Variants in BANK1 observed in about 807,000 individuals in gnomAD.
BANK1 encodes B-cell scaffold protein with ankyrin repeats.
In BANK1, 95 loss-of-function variants were observed where a neutral mutation model predicts 94.5. The ratio of observed to expected loss-of-function variants is 1.00; its 90% CI spans 0.85 to 1.19. The LOEUF (loss-of-function observed/expected upper bound fraction) is 1.19. Among genes scored for constraint, BANK1 ranks in the 50% most tolerant of loss-of-function variants. The pLI is 0.00. For missense variants in BANK1, 987 were observed against 932.2 expected, an observed-to-expected ratio of 1.06 and a Z score of -0.77; for synonymous variants, 334 against 308.4, an observed-to-expected ratio of 1.08 and a Z score of -0.87.
chr4:101,822,328 C>T (rs926024266), intron 1 of BANK1, among the ~76,000 whole-genome samples: 2 of 151,640 alleles, frequency 1.3e-5, no homozygotes, highest in African/African-American at 4.8e-5. Context: ...CCCAAGATCA[C>T]GCCACTGCAC....
intron 7 of BANK1, among the ~76,000 whole-genome samples, chr4:102,010,954 T>A (rs1726494201): frequency 1.3e-5 from 2 of 152,224 alleles, no homozygotes; most frequent in African/African-American, 4.8e-5. Flanking sequence ...ACCCAGTGTT[T>A]CAATATTATG....
At chr4:101,899,243 A>G (rs1722192577) in intron 6 of BANK1, among the ~76,000 whole-genome samples, 2 of 152,126 alleles carry the variant, frequency 1.3e-5, no homozygotes, top group South Asian at 4.1e-4. Flanking sequence ...TTCATTTCAA[A>G]TTAGTAACAA....
At chr4:101,961,102 A>G (rs943477750) in intron 7 of BANK1, among the ~76,000 whole-genome samples, 12 of 152,344 alleles carry the variant, frequency 7.9e-5, no homozygotes, top group Admixed American at 5.9e-4. Flanking sequence ...TTAGGATTAC[A>G]TGGAAAAACA....
At chr4:102,022,170 G>A (rs1726935136) in intron 8 of BANK1, among the ~76,000 whole-genome samples, 1 of 151,688 alleles carries the variant, frequency 6.6e-6, no homozygotes, top group Admixed American at 6.6e-5. Context: ...GGCTTTATTG[G>A]CATACAGCTC....
chr4:102,068,036 A>G (rs1168983486), intron 13 of BANK1, among the ~76,000 whole-genome samples: 2 of 152,120 alleles, frequency 1.3e-5, no homozygotes, highest in Non-Finnish European at 2.9e-5. Context: ...ATATATCTAG[A>G]ACATCTCCCA....
intron 7 of BANK1, among the ~76,000 whole-genome samples, chr4:102,006,973 G>GT (rs1249422265): frequency 7.0e-6 from 1 of 143,158 alleles, no homozygotes; most frequent in Admixed American, 7.2e-5. Context: ...TTTTTTTAAA[G>GT]TAAAAAAAAA....
intron 7 of BANK1, among the ~76,000 whole-genome samples, chr4:101,952,480 C>T (rs949419925): frequency 3.3e-5 from 5 of 151,920 alleles, no homozygotes; most frequent in African/African-American, 9.7e-5. Flanking sequence ...AAAACTTAAG[C>T]GAAAGGACAT....
At chr4:101,878,848 T>C (rs35507621) in intron 5 of BANK1, among the ~76,000 whole-genome samples, 11,446 of 152,094 alleles carry the variant, frequency 0.075, 637 homozygotes, top group Admixed American at 0.19. Context: ...TGCTTTTGAA[T>C]GGCCAGTGGA....
intron 5 of BANK1, among the ~76,000 whole-genome samples, chr4:101,876,996 C>T (rs1236512916): frequency 1.3e-5 from 2 of 149,334 alleles, no homozygotes; most frequent in Non-Finnish European, 3.0e-5. Context: ...TGAAGATATG[C>T]AGTCAGAGGA....
Position 101,794,381 on chromosome 4 carries a change from C to T in BANK1, c.70+3431C>T, listed in dbSNP as rs1404607399. Among the ~76,000 whole-genome samples, 6 of 152,120 alleles carry T rather than the reference C, an allele frequency of 3.9e-5. No individual in the cohort carries two copies. The East Asian group carries it at 1.2e-3, about 29-fold the overall frequency. ...ATAAAATGAGGAACATCATTCCTGA[C>T]AAAAATAAATGACATGTTTTAAGAG... On this transcript the variant is annotated intron_variant, in intron 1 of 16. Transcript: ENST00000322953.
intron 7 of BANK1, among the ~76,000 whole-genome samples, chr4:101,960,687 T>A (rs1439964118): frequency 6.6e-6 from 1 of 152,208 alleles, no homozygotes; most frequent in Admixed American, 6.5e-5. Context: ...TTTCGTTGTT[T>A]CGTCTTGCTT....
chr4:101,859,796 A>G (rs934174182), intron 3 of BANK1, among the ~76,000 whole-genome samples: 1 of 152,194 alleles, frequency 6.6e-6, no homozygotes, highest in Non-Finnish European at 1.5e-5. Context: ...TTTTTACGTG[A>G]ATAATTTTTG....
At chr4:101,802,546 C>G (rs554756235) in intron 1 of BANK1, among the ~76,000 whole-genome samples, 40 of 152,084 alleles carry the variant, frequency 2.6e-4, no homozygotes, top group Non-Finnish European at 5.0e-4. Flanking sequence ...AAGAAGTTAG[C>G]AATTAGCACA....
intron 7 of BANK1, among the ~76,000 whole-genome samples, chr4:102,003,413 T>A (rs1336538106): frequency 3.9e-5 from 6 of 152,174 alleles, no homozygotes; most frequent in Non-Finnish European, 8.8e-5. Context: ...AAAAATGGAT[T>A]ATTCCCATGT....
chr4:102,060,237 T>C lies in BANK1; in HGVS notation c.1996T>C (p.Phe666Leu). The C allele has an allele frequency of 6.3e-7, 1 of 1,588,614 alleles. No homozygotes were observed. The highest frequency in any genetic ancestry group is 8.5e-7 in the Non-Finnish European group (1 of 1,173,210). The change falls in exon 12 of 17, where the codon TTT becomes CTT. Residue 666 changes from phenylalanine to leucine, a missense_variant. Transcript: ENST00000322953. The part of the protein sequence containing the change: ...QDRARIESPA[F>L]STLRGCLTDG... ...CAGAGCTCGGATAGAGAGTCCAGCC[T>C]TTTCTACTCTCAGGGGCTGTCTAAC...
chr4:101,809,666 T>C (rs146105304), intron 1 of BANK1, among the ~76,000 whole-genome samples: 1 of 152,234 alleles, frequency 6.6e-6, no homozygotes, highest in East Asian at 1.9e-4. Flanking sequence ...TTCTAATGTG[T>C]TATTTGCTTT....
At chr4:101,897,479 T>A (rs1414018293) in intron 6 of BANK1, among the ~76,000 whole-genome samples, 1 of 151,986 alleles carries the variant, frequency 6.6e-6, no homozygotes, top group Non-Finnish European at 1.5e-5. Context: ...TTTTTATAGA[T>A]GGAGAACTCT....
intron 7 of BANK1, among the ~76,000 whole-genome samples, chr4:101,934,024 T>C (rs899605205): frequency 6.6e-6 from 1 of 151,406 alleles, no homozygotes; most frequent in Non-Finnish European, 1.5e-5. Context: ...CACGTAAATA[T>C]TGTGAACCCT....
chr4:101,978,971 C>A (rs1725233840), intron 7 of BANK1, among the ~76,000 whole-genome samples: 1 of 152,008 alleles, frequency 6.6e-6, no homozygotes, highest in African/African-American at 2.4e-5. Flanking sequence ...GCCAAAGAGG[C>A]TGGCTGATAA....
Sources: gnomAD v4.1 joint callset for allele counts (sites outside exome capture counted in the v4.1 genomes callset) on GRCh38, gnomAD v4.1.1 for gene constraint, MANE v1.5 for transcripts, NCBI Gene and HGNC (gene_info 2026-07-23, HGNC 2026-07-21) for gene names.